ST3GAL3: variants seen among roughly 807,000 people sequenced by gnomAD.
The protein encoded by ST3GAL3 is ST3 beta-galactoside alpha-2,3-sialyltransferase 3, also known as CMP-N-acetylneuraminate-beta-1,4-galactoside alpha-2,3-sialyltransferase.
ST3GAL3 carries 21 observed loss-of-function variants against 50.1 expected under a neutral mutation model. The observed-to-expected ratio is 0.42, with a 90% CI of 0.30 to 0.60. The LOEUF (loss-of-function observed/expected upper bound fraction) is 0.60, where lower values mean the gene tolerates loss of function less well. Among genes scored for constraint, ST3GAL3 ranks in the 20% least tolerant of loss-of-function variants. The pLI is 0.19. For missense variants in ST3GAL3, 353 were observed against 489.4 expected (o/e 0.72, Z 2.63); for synonymous variants, 183 against 190.0 (o/e 0.96, Z 0.30).
chr1:43,907,030 T>C (rs1287549941), intron 9 of ST3GAL3, among the ~76,000 whole-genome samples: 2 of 152,198 alleles, frequency 1.3e-5, no homozygotes, highest in Non-Finnish European at 2.9e-5. Flanking sequence ...CTATCTGCCA[T>C]GGTCTGTGAG....
intron 5 of ST3GAL3, among the ~76,000 whole-genome samples, chr1:43,857,520 T>C (rs116256137): frequency 0.038 from 5,182 of 137,486 alleles, 145 homozygotes; most frequent in East Asian, 0.12. Flanking sequence ...CCTTCCTTCC[T>C]TCCCTCCTCC....
At position 43,792,098 on chromosome 1, in the gene ST3GAL3, G is replaced by A; in HGVS notation, c.119-4G>A. 1 of 1,614,214 alleles carries A rather than the reference G, an allele frequency of 6.2e-7. No homozygotes were observed. ...AGAAATGAACTTGTCCTCTTGTGTTGCAGATTCAGTGGTTCTTTCCTTTGA... is the reference window on the plus strand; with the variant it reads ...AGAAATGAACTTGTCCTCTTGTGTTACAGATTCAGTGGTTCTTTCCTTTGA... On this transcript the variant is annotated splice_region_variant and splice_polypyrimidine_tract_variant and intron_variant, in intron 2 of 11. Coordinates refer to ENST00000347631, the MANE Select transcript of ST3GAL3 (RefSeq NM_006279.5).
intron 11 of ST3GAL3, among the ~76,000 whole-genome samples, chr1:43,922,881 C>T (rs1367770927): frequency 6.7e-6 from 1 of 149,902 alleles, no homozygotes; most frequent in African/African-American, 2.4e-5. Context: ...GTGGGTGGAT[C>T]ACAAGGTCAG....
intron 2 of ST3GAL3, chr1:43,772,345 G>A: frequency 3.7e-6 from 1 of 270,250 alleles, no homozygotes. Context: ...ACTGCGTCTG[G>A]CCAGTGATCC....
chr1:43,754,048 G>A (rs1558150302), intron 2 of ST3GAL3, among the ~76,000 whole-genome samples: 1 of 152,176 alleles, frequency 6.6e-6, no homozygotes, highest in Non-Finnish European at 1.5e-5. Flanking sequence ...ATTTCTCACT[G>A]TAAAAAGGAG....
At chr1:43,815,008 A>G in intron 4 of ST3GAL3, 75 bp downstream of exon 4, 2 of 1,434,008 alleles carry the variant, frequency 1.4e-6, no homozygotes, top group South Asian at 2.3e-5. Context: ...TTGAAGGGTC[A>G]GCTCTCATCA....
intron 5 of ST3GAL3, among the ~76,000 whole-genome samples, chr1:43,843,071 A>T (rs922504003): frequency 6.6e-6 from 1 of 152,182 alleles, no homozygotes; most frequent in Non-Finnish European, 1.5e-5. Context: ...TATATGTCTC[A>T]TTCCTTTTTC....
chr1:43,811,097 G>T (rs894756338), intron 3 of ST3GAL3, among the ~76,000 whole-genome samples: 1 of 152,172 alleles, frequency 6.6e-6, no homozygotes, highest in African/African-American at 2.4e-5. Flanking sequence ...ATGTTTTCAT[G>T]TCTTCAATAC....
intron 3 of ST3GAL3, among the ~76,000 whole-genome samples, chr1:43,809,106 A>G (rs1233223821): frequency 1.3e-5 from 2 of 152,214 alleles, no homozygotes; most frequent in Non-Finnish European, 2.9e-5. Context: ...TTACAAGGCA[A>G]TTCGGAAAAG....
rs191591767 is a variant in ST3GAL3, at chr1:43,740,765, A to G, written c.118+4385A>G. 6.1e-3 allele frequency among the ~76,000 whole-genome samples: 932 copies of G among 152,002 alleles called. 5 individuals are homozygous for G. Among genetic ancestry groups the G allele is most frequent in the Non-Finnish European group, 0.011 (752 of 67,968 alleles). On this transcript the variant is annotated intron_variant, in intron 2 of 11. Coordinates refer to ENST00000347631, the MANE Select transcript of ST3GAL3 (RefSeq NM_006279.5). ...CAGGATTTCAAGGTTGCAGTGAGCT[A>G]TGATTGTGCCACTGTACTCTAACCT...
At chr1:43,762,747 CTT>C (rs1411476982) in intron 2 of ST3GAL3, among the ~76,000 whole-genome samples, 1 of 151,990 alleles carries the variant, frequency 6.6e-6, no homozygotes, top group Non-Finnish European at 1.5e-5. Flanking sequence ...GAAATAATAA[CTT>C]TGGTTTCTTT....
At chr1:43,763,733 C>T (rs1691450082) in intron 2 of ST3GAL3, among the ~76,000 whole-genome samples, 1 of 152,152 alleles carries the variant, frequency 6.6e-6, no homozygotes, top group African/African-American at 2.4e-5. Flanking sequence ...CGTGGGCATC[C>T]AAAGGCAGGC....
At chr1:43,756,533 A>G (rs11581514) in intron 2 of ST3GAL3, among the ~76,000 whole-genome samples, 52,993 of 144,536 alleles carry the variant, frequency 0.37, 10,029 homozygotes, top group African/African-American at 0.51. Context: ...AACATAAACT[A>G]TATATGTATT....
chr1:43,723,277 T>C (rs753589488), intron 1 of ST3GAL3, among the ~76,000 whole-genome samples: 1 of 151,860 alleles, frequency 6.6e-6, no homozygotes, highest in Non-Finnish European at 1.5e-5. Flanking sequence ...CCCAGCTAAG[T>C]TTTGTATTTT....
intron 5 of ST3GAL3, chr1:43,851,469 TG>T: frequency 1.2e-6 from 2 of 1,603,658 alleles, no homozygotes; most frequent in Non-Finnish European, 1.7e-6. Context: ...CTCCAGCTCA[TG>T]AGTAAAGTCA....
intron 5 of ST3GAL3, among the ~76,000 whole-genome samples, chr1:43,885,970 C>T (rs1447920138): frequency 2.6e-5 from 4 of 152,200 alleles, no homozygotes; most frequent in Non-Finnish European, 5.9e-5. Flanking sequence ...AAAATCACAG[C>T]TAGATAGGAG....
chr1:43,750,891 A>G (rs1685786366), intron 2 of ST3GAL3, among the ~76,000 whole-genome samples: 1 of 152,196 alleles, frequency 6.6e-6, no homozygotes, highest in African/African-American at 2.4e-5. Flanking sequence ...AGAAAAAAAA[A>G]AAGCTATCTT....
chr1:43,884,260 C>G (rs1320719511), intron 5 of ST3GAL3, among the ~76,000 whole-genome samples: 4 of 152,184 alleles, frequency 2.6e-5, no homozygotes, highest in African/African-American at 9.7e-5. Flanking sequence ...ATGTTTGTCT[C>G]TTTACCTCTG....
intron 5 of ST3GAL3, among the ~76,000 whole-genome samples, chr1:43,888,303 G>A (rs2076250629): frequency 1.3e-5 from 2 of 152,120 alleles, no homozygotes; most frequent in South Asian, 4.1e-4. Context: ...TCAAACTCCA[G>A]AAGCAATAGG....
Sources: gnomAD v4.1 joint callset for allele counts (sites outside exome capture counted in the v4.1 genomes callset) on GRCh38, gnomAD v4.1.1 for gene constraint, MANE v1.5 for transcripts, NCBI Gene and HGNC (gene_info 2026-07-23, HGNC 2026-07-21) for gene names.